SCFD2: variants seen among roughly 807,000 people sequenced by gnomAD.
SCFD2 encodes the protein sec1 family domain containing 2.
In SCFD2, 54 loss-of-function variants were observed where a neutral mutation model predicts 58.9. The observed-to-expected ratio is 0.92, with a 90% confidence interval of 0.74 to 1.15. The LOEUF is 1.15. Among genes scored for constraint, SCFD2 ranks in the 50% most tolerant of loss-of-function variants. The probability of loss-of-function intolerance (pLI) is 0.00; values close to 1 mark genes in which losing one functional copy is unlikely to be tolerated. For missense variants in SCFD2, 805 were observed against 836.6 expected, an observed-to-expected ratio of 0.96 and a Z score of 0.47; for synonymous variants, 321 against 335.9, an observed-to-expected ratio of 0.96 and a Z score of 0.49.
intron 5 of SCFD2, among the ~76,000 whole-genome samples, chr4:53,096,634 A>T (rs1408774353): frequency 6.6e-6 from 1 of 152,134 alleles, no homozygotes; most frequent in Non-Finnish European, 1.5e-5. Flanking sequence ...AGATGAGTAG[A>T]TTGCAAAAAT....
intron 5 of SCFD2, among the ~76,000 whole-genome samples, chr4:53,097,089 T>C (rs962537080): frequency 3.9e-5 from 6 of 152,140 alleles, no homozygotes; most frequent in Admixed American, 6.6e-5. Flanking sequence ...TGTTTTGGTA[T>C]GAGTACCATG....
At chr4:53,137,687 G>C (rs1350333009) in intron 5 of SCFD2, among the ~76,000 whole-genome samples, 1 of 152,252 alleles carries the variant, frequency 6.6e-6, no homozygotes, top group East Asian at 1.9e-4. Context: ...TGTTGACCTG[G>C]ACTTTAAAGA....
intron 5 of SCFD2, among the ~76,000 whole-genome samples, chr4:52,995,894 G>A (rs1413129568): frequency 6.6e-6 from 1 of 152,186 alleles, no homozygotes; most frequent in Non-Finnish European, 1.5e-5. Flanking sequence ...TAAAGAACAA[G>A]AGTCCCATAT....
At chr4:53,182,083 T>C (rs1383417823) in intron 4 of SCFD2, among the ~76,000 whole-genome samples, 1 of 152,174 alleles carries the variant, frequency 6.6e-6, no homozygotes, top group East Asian at 1.9e-4. Context: ...TTGCCCAAGG[T>C]AATTTATAGA....
At chr4:53,103,826 A>G (rs1724903253) in intron 5 of SCFD2, among the ~76,000 whole-genome samples, 1 of 147,966 alleles carries the variant, frequency 6.8e-6, no homozygotes, top group Non-Finnish European at 1.5e-5. Context: ...AGAAAAAAAA[A>G]TGCCGTAAGG....
chr4:53,304,278 C>G (rs1732441012), intron 3 of SCFD2, among the ~76,000 whole-genome samples: 1 of 152,078 alleles, frequency 6.6e-6, no homozygotes, highest in African/African-American at 2.4e-5. Flanking sequence ...TTCATTTCAA[C>G]CTTGGTGAAT....
intron 3 of SCFD2, among the ~76,000 whole-genome samples, chr4:53,284,228 G>A (rs531015835): frequency 1.3e-4 from 20 of 149,402 alleles, no homozygotes; most frequent in African/African-American, 4.2e-4. Context: ...AGTCTAATGA[G>A]TAAAAAAAAA....
At chr4:53,230,546 C>T (rs1364880682) in intron 4 of SCFD2, among the ~76,000 whole-genome samples, 17 of 147,184 alleles carry the variant, frequency 1.2e-4, no homozygotes, top group Non-Finnish European at 7.4e-5. Flanking sequence ...ACCGCATGTT[C>T]TCACTCATAG....
At chr4:53,003,735 T>C (rs1454696777) in intron 5 of SCFD2, among the ~76,000 whole-genome samples, 1 of 152,210 alleles carries the variant, frequency 6.6e-6, no homozygotes, top group Non-Finnish European at 1.5e-5. Context: ...ATTTGAACTA[T>C]GATAAGTTAT....
chr4:53,299,165 C>T (rs776234405), intron 3 of SCFD2, among the ~76,000 whole-genome samples: 10 of 152,008 alleles, frequency 6.6e-5, no homozygotes, highest in South Asian at 6.2e-4. Context: ...GGACGAAGTT[C>T]GAACCAATGG....
chr4:52,942,640 C>G (rs1720322400), intron 5 of SCFD2, among the ~76,000 whole-genome samples: 1 of 152,116 alleles, frequency 6.6e-6, no homozygotes, highest in Non-Finnish European at 1.5e-5. Context: ...ATGGAAAGCC[C>G]TTGAAACAGT....
intron 5 of SCFD2, among the ~76,000 whole-genome samples, chr4:53,083,912 C>T (rs1420947395): frequency 6.6e-6 from 1 of 152,122 alleles, no homozygotes; most frequent in Non-Finnish European, 1.5e-5. Context: ...TCTCAGGGAA[C>T]AGGACAAAGG....
chr4:53,321,888 T>C (rs1205764686), intron 2 of SCFD2, among the ~76,000 whole-genome samples: 2 of 152,220 alleles, frequency 1.3e-5, no homozygotes, highest in African/African-American at 4.8e-5. Flanking sequence ...ATAAGCACTT[T>C]CTGTGAGCTG....
chr4:53,256,336 G>A (rs1730630294), intron 4 of SCFD2, among the ~76,000 whole-genome samples: 1 of 151,244 alleles, frequency 6.6e-6, no homozygotes, highest in African/African-American at 2.4e-5. Context: ...GGGCAGCCGG[G>A]CAGAGACGCT....
intron 4 of SCFD2, among the ~76,000 whole-genome samples, chr4:53,239,288 G>A (rs1276310104): frequency 1.3e-5 from 2 of 152,138 alleles, no homozygotes; most frequent in Admixed American, 6.5e-5. Context: ...GCAGTGAGCC[G>A]AGATGGCAGC....
At chr4:53,290,744 TA>T (rs2149085939) in intron 3 of SCFD2, among the ~76,000 whole-genome samples, 1 of 151,650 alleles carries the variant, frequency 6.6e-6, no homozygotes, top group South Asian at 2.1e-4. Context: ...CAAAAATAAA[TA>T]AAATCAGAAA....
intron 4 of SCFD2, among the ~76,000 whole-genome samples, chr4:53,174,150 A>T (rs574719443): frequency 6.6e-6 from 1 of 152,250 alleles, no homozygotes; most frequent in African/African-American, 2.4e-5. Context: ...GATATCAACA[A>T]AACCATGGCA....
chr4:53,100,431 G>A (rs1020972293), intron 5 of SCFD2, among the ~76,000 whole-genome samples: 1 of 152,140 alleles, frequency 6.6e-6, no homozygotes, highest in East Asian at 1.9e-4. Context: ...ACATGCATGT[G>A]TGCATATGTG....
At chr4:52,917,097 G>A (rs572697971) in intron 6 of SCFD2, among the ~76,000 whole-genome samples, 36 of 152,050 alleles carry the variant, frequency 2.4e-4, no homozygotes, top group African/African-American at 7.2e-4. Context: ...TTTAGAGATG[G>A]AGTCTTGCTG....
Sources: gnomAD v4.1 joint callset for allele counts (sites outside exome capture counted in the v4.1 genomes callset) on GRCh38, gnomAD v4.1.1 for gene constraint, MANE v1.5 for transcripts, NCBI Gene and HGNC (gene_info 2026-07-23, HGNC 2026-07-21) for gene names.